PTPRT: variants seen among roughly 807,000 people sequenced by gnomAD.
PTPRT encodes receptor-type tyrosine-protein phosphatase T.
In PTPRT, 56 loss-of-function variants were observed where a neutral mutation model predicts 176.8. The observed-to-expected ratio is 0.32, with a 90% CI of 0.26 to 0.40. The LOEUF is 0.40. Among genes scored for constraint, PTPRT ranks in the 10% least tolerant of loss-of-function variants. The probability of loss-of-function intolerance (pLI) is 1.00; values close to 1 mark genes in which losing one functional copy is unlikely to be tolerated. For synonymous variants in PTPRT, 783 were observed against 739.0 expected (o/e 1.06, Z -0.96); for missense variants, 1,540 against 1,908.2 (o/e 0.81, Z 3.60).
chr20:42,037,420 C>A, the PTPRT span, among the ~76,000 whole-genome samples: 1 of 152,134 alleles, frequency 6.6e-6, no homozygotes, highest in Non-Finnish European at 1.5e-5. Flanking sequence ...AACACTTTCA[C>A]CTCCACCAAA....
chr20:42,144,554 G>A (rs1342358583), intron 17 of PTPRT, among the ~76,000 whole-genome samples: 2 of 152,050 alleles, frequency 1.3e-5, no homozygotes, highest in African/African-American at 2.4e-5. Context: ...TGAGTCAAGT[G>A]GTATGGAAAC....
At chr20:43,136,220 T>C (rs568034084) in intron 1 of PTPRT, among the ~76,000 whole-genome samples, 1 of 152,368 alleles carries the variant, frequency 6.6e-6, no homozygotes, top group African/African-American at 2.4e-5. Context: ...GCATCTGGCC[T>C]AAATGTCAGT....
intron 2 of PTPRT, 90 bp from the exon 3 acceptor site, chr20:42,791,556 C>T (rs2077376661): frequency 1.4e-6 from 2 of 1,386,372 alleles, no homozygotes; most frequent in East Asian, 2.5e-5. Context: ...AACATGGTGG[C>T]CAGAGGAGTG....
At chr20:43,051,796 G>A (rs929195840) in intron 1 of PTPRT, among the ~76,000 whole-genome samples, 10 of 151,726 alleles carry the variant, frequency 6.6e-5, no homozygotes, top group Admixed American at 2.6e-4. Flanking sequence ...CAACTAAACC[G>A]TTAAAGGAAA....
At chr20:42,445,597 C>T (rs917453467) in intron 9 of PTPRT, among the ~76,000 whole-genome samples, 2 of 152,204 alleles carry the variant, frequency 1.3e-5, no homozygotes, top group Admixed American at 6.5e-5. Context: ...TACAGCATCC[C>T]TCAATAATTT....
intron 1 of PTPRT, among the ~76,000 whole-genome samples, chr20:43,169,296 G>A (rs942696650): frequency 1.1e-4 from 17 of 152,128 alleles, no homozygotes; most frequent in Admixed American, 3.9e-4. Flanking sequence ...ATCGGTTATC[G>A]TACTGGGAGC....
At chr20:43,140,697 T>C (rs2013977768) in intron 1 of PTPRT, among the ~76,000 whole-genome samples, 1 of 152,202 alleles carries the variant, frequency 6.6e-6, no homozygotes, top group Non-Finnish European at 1.5e-5. Context: ...TGGTTATTAA[T>C]GCCCCCATTC....
chr20:42,905,347 C>T (rs1380945335), intron 1 of PTPRT, among the ~76,000 whole-genome samples: 1 of 152,168 alleles, frequency 6.6e-6, no homozygotes, highest in Non-Finnish European at 1.5e-5. Context: ...CAGAGAAATG[C>T]AAATCAAAAC....
intron 29 of PTPRT, 146 bp downstream of exon 29, chr20:42,084,536 G>T: frequency 1.6e-6 from 1 of 631,282 alleles, no homozygotes; most frequent in Non-Finnish European, 2.3e-6. Context: ...TAATTCCTTT[G>T]AATGTACTGC....
chr20:42,488,469 A>C (rs2145362511), intron 7 of PTPRT, among the ~76,000 whole-genome samples: 1 of 152,132 alleles, frequency 6.6e-6, no homozygotes, highest in African/African-American at 2.4e-5. Context: ...TTACTATTTT[A>C]ATTTATATTG....
chr20:42,143,186 AC>A (rs1294936920), intron 17 of PTPRT, among the ~76,000 whole-genome samples: 3 of 152,182 alleles, frequency 2.0e-5, no homozygotes, highest in Non-Finnish European at 4.4e-5. Flanking sequence ...TTCATGTATT[AC>A]AAAGTACAAT....
chr20:42,327,573 G>A (rs1383061614), intron 11 of PTPRT, among the ~76,000 whole-genome samples: 1 of 151,980 alleles, frequency 6.6e-6, no homozygotes, highest in African/African-American at 2.4e-5. Flanking sequence ...ACCCTCAAAT[G>A]GTTGAATAAC....
chr20:42,058,798 C>G, the PTPRT span, among the ~76,000 whole-genome samples: 1 of 152,154 alleles, frequency 6.6e-6, no homozygotes, highest in South Asian at 2.1e-4. Flanking sequence ...CTCTGCAGAC[C>G]TGCTCCCAAA....
rs1407274793 is a variant in PTPRT at position 42,837,988 on chromosome 20, G to A, written c.215-46522C>T. 3.9e-5 allele frequency among the ~76,000 whole-genome samples: 6 copies of A among 152,264 alleles called. No homozygotes were observed. The East Asian group carries it at 1.2e-3, about 29-fold the overall frequency. On this transcript the variant is annotated intron_variant, in intron 2 of 30. Transcript: ENST00000373187. ...AAAAGGAACACTTTTTCCAAACTGG[G>A]TGGCAGCTTTGGAGTACCAGGCCCT...
chr20:42,435,231 C>T (rs193273697), intron 9 of PTPRT, among the ~76,000 whole-genome samples: 2 of 152,184 alleles, frequency 1.3e-5, no homozygotes, highest in Admixed American at 1.3e-4. Flanking sequence ...GTGTGTATCC[C>T]TTGGCACTTA....
chr20:42,654,318 G>A (rs1469727378), intron 7 of PTPRT, among the ~76,000 whole-genome samples: 1 of 152,068 alleles, frequency 6.6e-6, no homozygotes, highest in East Asian at 1.9e-4. Context: ...GTGCATTCAA[G>A]GATGAAGAAA....
intron 1 of PTPRT, among the ~76,000 whole-genome samples, chr20:42,903,063 C>T (rs1020855133): frequency 6.6e-6 from 1 of 152,214 alleles, no homozygotes; most frequent in Admixed American, 6.5e-5. Context: ...CCCATCTCGG[C>T]TCTTGACATG....
the PTPRT span, among the ~76,000 whole-genome samples, chr20:42,041,997 A>G: frequency 1.6e-4 from 24 of 152,234 alleles, no homozygotes; most frequent in African/African-American, 5.5e-4. Context: ...TCCTGCATTT[A>G]GTGTCAAGCC....
At chr20:42,046,663 T>C in the PTPRT span, among the ~76,000 whole-genome samples, 1 of 152,194 alleles carries the variant, frequency 6.6e-6, no homozygotes. Flanking sequence ...CCTCTATCAA[T>C]CTTCCAGTGC....
Sources: allele counts gnomAD v4.1 joint callset (sites outside exome capture counted in the v4.1 genomes callset), GRCh38; gene constraint gnomAD v4.1.1; transcripts MANE v1.5; gene names NCBI Gene and HGNC (gene_info 2026-07-23, HGNC 2026-07-21).